Variants in RBMS1 observed in about 807,000 individuals in gnomAD.
RBMS1 encodes the protein RNA binding motif single stranded interacting protein 1.
RBMS1 carries 17 observed loss-of-function variants against 62.3 expected under a neutral mutation model. The observed-to-expected ratio is 0.27, with a 90% CI of 0.19 to 0.41. RBMS1 has a LOEUF of 0.41. Ranked by LOEUF, RBMS1 falls within the 10% of genes least tolerant of loss-of-function variation. RBMS1 has a pLI of 1.00. For synonymous variants in RBMS1, 172 were observed against 170.0 expected (o/e 1.01, Z -0.09); for missense variants, 334 against 504.5 (o/e 0.66, Z 3.24).
intron 2 of RBMS1, among the ~76,000 whole-genome samples, chr2:160,332,279 A>T (rs1691318695): frequency 1.3e-5 from 2 of 152,242 alleles, no homozygotes; most frequent in Non-Finnish European, 2.9e-5. Context: ...TACTGAGTAA[A>T]AGAATAGCGG....
chr2:160,355,487 T>C (rs1250277962), intron 2 of RBMS1, among the ~76,000 whole-genome samples: 2 of 152,118 alleles, frequency 1.3e-5, no homozygotes, highest in Non-Finnish European at 2.9e-5. Context: ...TCCCAGTTTC[T>C]TAAGACTCCA....
At chr2:160,293,069 T>C (rs1688762527) in intron 6 of RBMS1, among the ~76,000 whole-genome samples, 1 of 152,200 alleles carries the variant, frequency 6.6e-6, no homozygotes, top group African/African-American at 2.4e-5. Flanking sequence ...GAGGGAGATA[T>C]GACTGCACAT....
chr2:160,378,306 C>T (rs1354892853), intron 1 of RBMS1, among the ~76,000 whole-genome samples: 1 of 151,990 alleles, frequency 6.6e-6, no homozygotes, highest in African/African-American at 2.4e-5. Flanking sequence ...ATACAAAAAT[C>T]AAACAGGTTA....
intron 1 of RBMS1, among the ~76,000 whole-genome samples, chr2:160,448,473 T>C (rs909546621): frequency 6.6e-5 from 10 of 152,240 alleles, no homozygotes; most frequent in African/African-American, 2.4e-4. Flanking sequence ...TTTTGCATTT[T>C]TTGATGGAGA....
At chr2:160,382,195 G>A (rs1190242815) in intron 1 of RBMS1, among the ~76,000 whole-genome samples, 6 of 152,228 alleles carry the variant, frequency 3.9e-5, no homozygotes, top group African/African-American at 1.2e-4. Flanking sequence ...GTATAAGGAG[G>A]TGGGTGAAGT....
intron 1 of RBMS1, among the ~76,000 whole-genome samples, chr2:160,403,532 C>T (rs1224944893): frequency 6.6e-6 from 1 of 152,202 alleles, no homozygotes; most frequent in East Asian, 1.9e-4. Flanking sequence ...TGCAGCTACA[C>T]CCAGTTAATC....
In RBMS1 at chr2:160,272,608, C is replaced by CAAG. The variant is rs1228352836; in HGVS notation, c.*2163_*2164insCTT. Reference sequence around the variant, plus strand: ...CCGAGCTATCAAATTTCTGTCTTAACTAATGCAAAAATATCAAGTAGTGAG... The same window carrying CAAG: ...CCGAGCTATCAAATTTCTGTCTTAACAAGTAATGCAAAAATATCAAGTAGTGAG... On this transcript the variant is annotated 3_prime_UTR_variant, in exon 14 of 14. Transcript: ENST00000348849. 1 of 151,872 alleles carries CAAG rather than the reference C, an allele frequency of 6.6e-6. No individual in the cohort carries two copies. The highest frequency in any genetic ancestry group is 1.5e-5 in the Non-Finnish European group (1 of 68,002). The allele number at this position is 151,872 out of a possible 1,614,324, so 9.4% of individuals were successfully genotyped here.
intron 4 of RBMS1, among the ~76,000 whole-genome samples, chr2:160,307,524 G>A (rs1008401502): frequency 1.3e-5 from 2 of 152,102 alleles, no homozygotes; most frequent in South Asian, 2.1e-4. Flanking sequence ...TTTGTAGCTC[G>A]TTATCTGCGT....
intron 1 of RBMS1, among the ~76,000 whole-genome samples, chr2:160,438,189 A>T (rs1164095672): frequency 6.6e-6 from 1 of 152,154 alleles, no homozygotes; most frequent in Non-Finnish European, 1.5e-5. Flanking sequence ...CAGACTCCAT[A>T]GGGGAATCAA....
At chr2:160,356,537 G>A (rs74614509) in intron 2 of RBMS1, among the ~76,000 whole-genome samples, 14,715 of 152,098 alleles carry the variant, frequency 0.097, 981 homozygotes, top group East Asian at 0.26. Context: ...CAGAGGATGA[G>A]CTCTGGAGTC....
At chr2:160,346,076 C>T (rs1481534358) in intron 2 of RBMS1, among the ~76,000 whole-genome samples, 6 of 152,054 alleles carry the variant, frequency 3.9e-5, no homozygotes, top group African/African-American at 9.7e-5. Context: ...AAGCCTTCTC[C>T]GGTCTTTAGG....
chr2:160,447,962 C>T (rs993799736), intron 1 of RBMS1, among the ~76,000 whole-genome samples: 2 of 151,962 alleles, frequency 1.3e-5, no homozygotes, highest in African/African-American at 4.8e-5. Context: ...AACGGTTGAA[C>T]GAATAAATGT....
At chr2:160,325,068 A>G (rs533628302) in intron 2 of RBMS1, among the ~76,000 whole-genome samples, 7 of 152,066 alleles carry the variant, frequency 4.6e-5, no homozygotes, top group African/African-American at 1.7e-4. Context: ...ACTAAGTAGC[A>G]AAGATGGGAG....
chr2:160,344,378 C>T (rs1267171003), intron 2 of RBMS1, among the ~76,000 whole-genome samples: 2 of 152,138 alleles, frequency 1.3e-5, no homozygotes, highest in Non-Finnish European at 1.5e-5. Context: ...TGGAGCCACA[C>T]CCAAAGGCAG....
intron 2 of RBMS1, among the ~76,000 whole-genome samples, chr2:160,351,148 G>GT (rs1692473274): frequency 6.6e-6 from 1 of 150,902 alleles, no homozygotes. Flanking sequence ...GACACAGGAA[G>GT]GGGAACACCA....
intron 2 of RBMS1, among the ~76,000 whole-genome samples, chr2:160,343,743 G>T (rs576109581): frequency 6.6e-6 from 1 of 152,106 alleles, no homozygotes; most frequent in Non-Finnish European, 1.5e-5. Context: ...TAATTAGAGT[G>T]GAGCCCCTTT....
chr2:160,380,866 A>G (rs1423889756), intron 1 of RBMS1, among the ~76,000 whole-genome samples: 1 of 152,226 alleles, frequency 6.6e-6, no homozygotes, highest in Non-Finnish European at 1.5e-5. Context: ...TAGTTGCTCC[A>G]GTTACATAAA....
At chr2:160,471,707 AT>A (rs1559593808) in intron 1 of RBMS1, among the ~76,000 whole-genome samples, 40 of 107,624 alleles carry the variant, frequency 3.7e-4, no homozygotes, top group African/African-American at 7.1e-4. Context: ...ATATATATAT[AT>A]ATATATATAA....
chr2:160,299,452 C>T (rs1689102568), intron 6 of RBMS1, among the ~76,000 whole-genome samples: 1 of 152,100 alleles, frequency 6.6e-6, no homozygotes, highest in Non-Finnish European at 1.5e-5. Context: ...CATTTCGTCA[C>T]CAATTAGTCT....
Sources: allele counts gnomAD v4.1 joint callset (sites outside exome capture counted in the v4.1 genomes callset), GRCh38; gene constraint gnomAD v4.1.1; transcripts MANE v1.5; gene names NCBI Gene and HGNC (gene_info 2026-07-23, HGNC 2026-07-21).